Variants in MAP4K3 observed in about 807,000 individuals in gnomAD.
MAP4K3 encodes mitogen-activated protein kinase kinase kinase kinase 3.
A neutral mutation model predicts 143.5 loss-of-function variants in MAP4K3; 94 were observed. That is an observed-to-expected ratio of 0.65 (90% CI 0.55 to 0.78). The LOEUF is 0.78. Among genes scored for constraint, MAP4K3 ranks in the 30% least tolerant of loss-of-function variants. MAP4K3 has a pLI of 0.00. For missense variants in MAP4K3, 1,077 were observed against 1,068.1 expected, an observed-to-expected ratio of 1.01 and a Z score of -0.12; for synonymous variants, 416 against 347.2, an observed-to-expected ratio of 1.20 and a Z score of -2.20.
intron 3 of MAP4K3, among the ~76,000 whole-genome samples, chr2:39,355,244 C>G (rs1404373260): frequency 2.0e-5 from 3 of 151,548 alleles, no homozygotes; most frequent in Admixed American, 6.6e-5. Context: ...GGCTGCAGTC[C>G]CAGGTACTCA....
Position 39,391,590 on chromosome 2 carries a change from A to G in MAP4K3, c.97-13467T>C, listed in dbSNP as rs76334714. 6.1e-3 allele frequency among the ~76,000 whole-genome samples: 927 copies of G among 152,254 alleles called. 13 individuals are homozygous for G. Among genetic ancestry groups the G allele is most frequent in the African/African-American group, 0.021 (868 of 41,554 alleles). Reference sequence around the variant, plus strand: ...TTTAGAAAAATACATTCACTTAAGTAAACACTGTCTATTCACTACTATATC... The same window carrying G: ...TTTAGAAAAATACATTCACTTAAGTGAACACTGTCTATTCACTACTATATC... On this transcript the variant is annotated intron_variant, in intron 1 of 33. Transcript: ENST00000263881.
Position 39,334,692 on chromosome 2 carries a change from T to C in MAP4K3, c.415-1118A>G, listed in dbSNP as rs138071702. Among the ~76,000 whole-genome samples the C allele has an allele frequency of 1.7e-3, 258 of 152,320 alleles. 1 individual carries two copies. Among genetic ancestry groups the C allele is most frequent in the Non-Finnish European group, 2.6e-3 (174 of 68,020 alleles). ...TTATAATCACATCACTTGTACATTA[T>C]GGCCTTTCTCTCCTCCCTCCTTTCC... On this transcript the variant is annotated intron_variant, in intron 6 of 33. Transcript: ENST00000263881.
chr2:39,349,848 A>C (rs1466577995), intron 3 of MAP4K3, among the ~76,000 whole-genome samples: 1 of 152,120 alleles, frequency 6.6e-6, no homozygotes, highest in Admixed American at 6.5e-5. Context: ...CAATACACCC[A>C]TTTTTTTACA....
intron 1 of MAP4K3, among the ~76,000 whole-genome samples, chr2:39,422,700 G>A (rs188346953): frequency 6.6e-6 from 1 of 152,344 alleles, no homozygotes; most frequent in African/African-American, 2.4e-5. Context: ...TGGAACAACT[G>A]TACATTGACG....
chr2:39,308,540 A>C (rs1430375325), intron 14 of MAP4K3, among the ~76,000 whole-genome samples: 2 of 152,182 alleles, frequency 1.3e-5, no homozygotes. Flanking sequence ...ACTTATTAAC[A>C]GTTATTTTCT....
intron 13 of MAP4K3, among the ~76,000 whole-genome samples, chr2:39,310,573 G>A (rs369386720): frequency 2.0e-5 from 3 of 151,360 alleles, no homozygotes; most frequent in East Asian, 3.9e-4. Flanking sequence ...ATATCTCTTA[G>A]ATATACTGGT....
intron 15 of MAP4K3, among the ~76,000 whole-genome samples, chr2:39,307,553 T>C (rs1399767290): frequency 6.6e-6 from 1 of 151,116 alleles, no homozygotes; most frequent in Non-Finnish European, 1.5e-5. Context: ...TATGAATATA[T>C]GTACCATATA....
intron 1 of MAP4K3, among the ~76,000 whole-genome samples, chr2:39,397,934 G>A (rs1666852830): frequency 6.6e-6 from 1 of 152,188 alleles, no homozygotes; most frequent in Admixed American, 6.5e-5. Flanking sequence ...TATACAGTGA[G>A]ATAGTGTTTC....
At chr2:39,331,544 A>AC (rs1573161114) in intron 8 of MAP4K3, among the ~76,000 whole-genome samples, 1 of 152,142 alleles carries the variant, frequency 6.6e-6, no homozygotes, top group East Asian at 1.9e-4. Context: ...GTACTTGAAT[A>AC]ATGTAATGTT....
intron 3 of MAP4K3, among the ~76,000 whole-genome samples, chr2:39,353,884 T>C (rs904296924): frequency 6.6e-6 from 1 of 152,192 alleles, no homozygotes; most frequent in Non-Finnish European, 1.5e-5. Flanking sequence ...GTCATGTAGA[T>C]ATTATTATCA....
At chr2:39,329,600 C>A (rs186268101) in intron 8 of MAP4K3, among the ~76,000 whole-genome samples, 12 of 152,196 alleles carry the variant, frequency 7.9e-5, no homozygotes, top group Non-Finnish European at 1.8e-4. Flanking sequence ...ACAGTCAGTC[C>A]CTGGCATTCC....
At position 39,258,448 on chromosome 2, in the gene MAP4K3, A is replaced by G. The variant is rs769753241; in HGVS notation, c.2378-8T>C. On this transcript the variant is annotated splice_region_variant and splice_polypyrimidine_tract_variant and intron_variant, in intron 30 of 33. Transcript: ENST00000263881. ...TTACTATTTTTATACAACCTAGAGG[A>G]AAAAAAGTCACTCAGAAACTAAGAT... The G allele has an allele frequency of 3.1e-6, 5 of 1,599,040 alleles. No individual in the cohort carries two copies. The highest frequency in any genetic ancestry group is 4.3e-6 in the Non-Finnish European group (5 of 1,168,008).
intron 31 of MAP4K3, among the ~76,000 whole-genome samples, chr2:39,257,397 A>G (rs937825037): frequency 1.1e-4 from 16 of 152,356 alleles, no homozygotes; most frequent in Non-Finnish European, 1.9e-4. Context: ...AGCAGACACA[A>G]CAGCCAAAAC....
intron 1 of MAP4K3, among the ~76,000 whole-genome samples, chr2:39,411,505 G>C (rs751744870): frequency 3.2e-4 from 48 of 152,178 alleles, no homozygotes; most frequent in Non-Finnish European, 6.0e-4. Flanking sequence ...CGGGTACAGG[G>C]ACACAAAGAT....
chr2:39,363,735 GATCATTTCACAACATACATATGC>G lies in MAP4K3; in HGVS notation c.155-7419_155-7397del, dbSNP rs1269223901. ...ATGGATATATGAAATAGCTTGATTT[GATCATTTCACAACATACATATGC>G]ATCAGAATACCATGTTGTAAACTGT... On this transcript the variant is annotated intron_variant, in intron 2 of 33. Coordinates refer to ENST00000263881, the MANE Select transcript of MAP4K3 (RefSeq NM_003618.4). Among the ~76,000 whole-genome samples the G allele has an allele frequency of 3.4e-5, 5 of 147,076 alleles. No homozygotes were observed. In the South Asian group the frequency reaches 1.1e-3, roughly 32 times the overall value.
At chr2:39,353,053 T>C (rs1260545385) in intron 3 of MAP4K3, among the ~76,000 whole-genome samples, 4 of 152,206 alleles carry the variant, frequency 2.6e-5, no homozygotes, top group Non-Finnish European at 4.4e-5. Context: ...AATCTGGCCT[T>C]TCTGGGCTAA....
chr2:39,369,929 C>A (rs779076629), intron 2 of MAP4K3, among the ~76,000 whole-genome samples: 15 of 152,226 alleles, frequency 9.9e-5, no homozygotes, highest in Non-Finnish European at 1.8e-4. Flanking sequence ...TGCACACACA[C>A]TCTGCTCAAT....
In MAP4K3 at chr2:39,290,417, C is replaced by T. The variant is rs116067899; in HGVS notation, c.1272-83G>A. The T allele has an allele frequency of 0.023, 19,324 of 832,254 alleles. 310 individuals carry two copies. Among genetic ancestry groups the T allele is most frequent in the Non-Finnish European group, 0.029 (15,739 of 534,574 alleles). 51.6% of individuals were successfully genotyped at this position (832,254 alleles called of 1,614,324 possible). The stretch of plus-strand genomic sequence containing the variant: ...AAATATAATAATTTTTTCAAAGACA[C>T]ATAAAAAAGCTGCAAAGACAAATAT... On this transcript the variant is annotated intron_variant, in intron 18 of 33. Coordinates refer to ENST00000263881, the MANE Select transcript of MAP4K3 (RefSeq NM_003618.4).
At chr2:39,355,010 T>G (rs533613055) in intron 3 of MAP4K3, among the ~76,000 whole-genome samples, 1 of 151,912 alleles carries the variant, frequency 6.6e-6, no homozygotes, top group African/African-American at 2.4e-5. Context: ...TTTGGATCAT[T>G]TGAGCTCAGG....
Sources: gnomAD v4.1 joint callset for allele counts (sites outside exome capture counted in the v4.1 genomes callset) on GRCh38, gnomAD v4.1.1 for gene constraint, MANE v1.5 for transcripts, NCBI Gene and HGNC (gene_info 2026-07-23, HGNC 2026-07-21) for gene names.